Variants in ADAM18 observed in about 807,000 individuals in gnomAD.
ADAM18 encodes the protein disintegrin and metalloproteinase domain-containing protein 18.
A neutral mutation model predicts 94.4 loss-of-function variants in ADAM18; 117 were observed. That is an observed-to-expected ratio of 1.24 (90% CI 1.07 to 1.45). The LOEUF is 1.45. Among genes scored for constraint, ADAM18 ranks in the 40% most tolerant of loss-of-function variants. The probability of loss-of-function intolerance (pLI) is 0.00; values close to 1 mark genes in which losing one functional copy is unlikely to be tolerated. For missense variants in ADAM18, 936 were observed against 880.0 expected (o/e 1.06, Z -0.81); for synonymous variants, 327 against 291.6 (o/e 1.12, Z -1.24).
intron 16 of ADAM18, among the ~76,000 whole-genome samples, chr8:39,682,755 A>G (rs1323592095): frequency 6.6e-6 from 1 of 152,234 alleles, no homozygotes; most frequent in African/African-American, 2.4e-5. Context: ...CTACAAATGG[A>G]AGAGCTATAC....
At chr8:39,714,618 A>C (rs1268380250) in intron 18 of ADAM18, among the ~76,000 whole-genome samples, 1 of 152,134 alleles carries the variant, frequency 6.6e-6, no homozygotes, top group African/African-American at 2.4e-5. Flanking sequence ...TAAATGAGGC[A>C]AAATCTGATT....
Position 39,648,325 on chromosome 8 carries a change from G to T in ADAM18, c.1047-19G>T, listed in dbSNP as rs1384107876. ...TATTAGCCAGGCTTATTTGCCTGAG[G>T]AATATTATTTTATTTTAGGAGTGCC... On this transcript the variant is annotated intron_variant, in intron 11 of 19. Coordinates refer to ENST00000265707, the MANE Select transcript of ADAM18 (RefSeq NM_014237.3). The T allele has an allele frequency of 6.4e-7, 1 of 1,559,262 alleles. No individual in the cohort carries two copies.
chr8:39,676,718 C>A (rs1821312925), intron 14 of ADAM18, among the ~76,000 whole-genome samples: 1 of 152,226 alleles, frequency 6.6e-6, no homozygotes, highest in Admixed American at 6.5e-5. Context: ...AATCACCCAT[C>A]TTCTGCATCG....
chr8:39,650,612 T>C (rs967940101), intron 12 of ADAM18, among the ~76,000 whole-genome samples: 2 of 152,152 alleles, frequency 1.3e-5, no homozygotes, highest in East Asian at 3.9e-4. Context: ...CTGAAAACTA[T>C]AAAGCATTGT....
Position 39,610,549 on chromosome 8 carries a change from A to G in ADAM18, c.365A>G (p.Asn122Ser), listed in dbSNP as rs776516988. 16 of 1,606,282 alleles carry G rather than the reference A, an allele frequency of 1.0e-5. No individual in the cohort carries two copies. The highest frequency in any genetic ancestry group is 1.4e-5 in the Non-Finnish European group (16 of 1,176,180). ...SGLRGFLQFE[N>S]ISYGIEPVES... ...TTCAGGGGATTTCTCCAGTTTGAAA[A>G]TATCAGTTATGGAATTGAACCAGTA... The change falls in exon 6 of 20, where the codon AAT becomes AGT. Residue 122 changes from asparagine (N) to serine (S), a missense_variant. Physicochemically the swap from Asn to Ser is conservative, Grantham distance 46. Transcript: ENST00000265707.
intron 16 of ADAM18, among the ~76,000 whole-genome samples, chr8:39,692,097 C>T (rs987930330): frequency 2.6e-5 from 4 of 151,674 alleles, no homozygotes; most frequent in Non-Finnish European, 5.9e-5. Flanking sequence ...CACATTTTGC[C>T]ATAATAAAAG....
At chr8:39,675,584 G>A (rs1007028349) in intron 14 of ADAM18, among the ~76,000 whole-genome samples, 3 of 152,180 alleles carry the variant, frequency 2.0e-5, no homozygotes, top group African/African-American at 4.8e-5. Flanking sequence ...CCTTTAGCTC[G>A]GAGAAGTTTG....
chr8:39,669,629 A>G (rs984376949), intron 14 of ADAM18, among the ~76,000 whole-genome samples: 2 of 151,612 alleles, frequency 1.3e-5, no homozygotes, highest in African/African-American at 4.8e-5. Context: ...CCGTGTCCCT[A>G]CAAAGGACAT....
In ADAM18 at chr8:39,668,049, T is replaced by C; in HGVS notation, c.1378T>C (p.Phe460Leu). ...CRKSIDPECD[F>L]TEYCNGTSSN... is the part of the protein sequence containing the mutation. ...AAAGAGTATTGATCCAGAGTGTGAT[T>C]TTACAGAGTACTGCAATGGAACCTC... The change falls in exon 14 of 20, where the codon TTT (phenylalanine) becomes CTT (leucine). Residue 460 changes from phenylalanine (F) to leucine (L), a missense_variant. Phe to Leu is a conservative substitution (Grantham distance 22). Transcript: ENST00000265707. The C allele has an allele frequency of 6.2e-7, 1 of 1,614,126 alleles. No individual in the cohort carries two copies. The highest frequency in any genetic ancestry group is 8.5e-7 in the Non-Finnish European group (1 of 1,179,996).
At chr8:39,659,071 T>C (rs1001716828) in intron 12 of ADAM18, among the ~76,000 whole-genome samples, 7 of 152,192 alleles carry the variant, frequency 4.6e-5, no homozygotes, top group Admixed American at 6.5e-5. Context: ...AATGAGAATG[T>C]CTAAGTCTTA....
At chr8:39,609,455 A>C in intron 4 of ADAM18, 30 bp from the exon 5 acceptor site, 1 of 1,519,344 alleles carries the variant, frequency 6.6e-7, no homozygotes, top group Non-Finnish European at 9.1e-7. Context: ...CAACGAATTT[A>C]TATACTTGCC....
intron 6 of ADAM18, among the ~76,000 whole-genome samples, chr8:39,620,543 G>T (rs1819585125): frequency 6.9e-6 from 1 of 145,604 alleles, no homozygotes; most frequent in Non-Finnish European, 1.5e-5. Flanking sequence ...GTAGCCAACT[G>T]TTATATTAAA....
At chr8:39,677,952 G>A (rs747817351) in intron 15 of ADAM18, among the ~76,000 whole-genome samples, 6 of 152,144 alleles carry the variant, frequency 3.9e-5, no homozygotes, top group Non-Finnish European at 8.8e-5. Flanking sequence ...ACATCAATAT[G>A]TAAAGCATGG....
chr8:39,584,788 C>A, intron 1 of ADAM18, 111 bp downstream of exon 1: 1 of 1,279,948 alleles, frequency 7.8e-7, no homozygotes, highest in Non-Finnish European at 1.1e-6. Context: ...CTTCTGGGAT[C>A]CCATGCTGGT....
chr8:39,647,613 A>G (rs1195276684), intron 11 of ADAM18, among the ~76,000 whole-genome samples: 1 of 152,194 alleles, frequency 6.6e-6, no homozygotes, highest in Non-Finnish European at 1.5e-5. Flanking sequence ...CCACGAGGCC[A>G]TATTTCAGAC....
chr8:39,629,283 T>C (rs1819864374), intron 6 of ADAM18, 91 bp from the exon 7 acceptor site: 2 of 911,700 alleles, frequency 2.2e-6, no homozygotes, highest in Admixed American at 2.9e-5. Flanking sequence ...AAATCTTATA[T>C]GCAATTTTTC....
At chr8:39,637,362 AT>A in intron 8 of ADAM18, 27 bp downstream of exon 8, 1 of 1,573,396 alleles carries the variant, frequency 6.4e-7, no homozygotes, top group Non-Finnish European at 8.6e-7. Flanking sequence ...TCACATTTCC[AT>A]TTTCATGAAA....
At chr8:39,628,382 A>AGATTTAGATGATGAATT (rs1819831834) in intron 6 of ADAM18, among the ~76,000 whole-genome samples, 1 of 151,616 alleles carries the variant, frequency 6.6e-6, no homozygotes, top group South Asian at 2.1e-4. Flanking sequence ...ATAGACTGAT[A>AGATTTAGATGATGAATT]GATTTAGATG....
chr8:39,677,577 A>G (rs773776841), intron 15 of ADAM18, 41 bp downstream of exon 15: 40 of 1,460,488 alleles, frequency 2.7e-5, no homozygotes, highest in Non-Finnish European at 3.4e-5. Context: ...AATCATAAAA[A>G]TTATGTATTT....
Sources: allele counts gnomAD v4.1 joint callset (sites outside exome capture counted in the v4.1 genomes callset), GRCh38; gene constraint gnomAD v4.1.1; transcripts MANE v1.5; gene names NCBI Gene and HGNC (gene_info 2026-07-23, HGNC 2026-07-21).